Variants in ROBO2 observed in about 807,000 individuals in gnomAD.
ROBO2 encodes roundabout homolog 2.
In ROBO2, 53 loss-of-function variants were observed where a neutral mutation model predicts 160.8. The observed-to-expected ratio is 0.33, with a 90% confidence interval of 0.26 to 0.41. The LOEUF is 0.41. Among genes scored for constraint, ROBO2 ranks in the 10% least tolerant of loss-of-function variants. The pLI is 1.00. For synonymous variants in ROBO2, 664 were observed against 611.7 expected, an observed-to-expected ratio of 1.09 and a Z score of -1.26; for missense variants, 1,577 against 1,722.4, an observed-to-expected ratio of 0.92 and a Z score of 1.49.
intron 2 of ROBO2, among the ~76,000 whole-genome samples, chr3:77,302,077 A>C (rs181321526): frequency 5.6e-4 from 84 of 151,312 alleles, no homozygotes; most frequent in African/African-American, 2.0e-3. Flanking sequence ...TAACTAAAGA[A>C]CTTTTTTTTT....
intron 2 of ROBO2, among the ~76,000 whole-genome samples, chr3:76,887,259 C>T (rs1432500884): frequency 8.5e-6 from 1 of 118,284 alleles, no homozygotes. Flanking sequence ...CTGGACTAGA[C>T]TCTAGTCCAA....
exon 24 of ROBO2, chr3:77,634,962 C>T (rs1431087057): frequency 1.2e-6 from 2 of 1,614,160 alleles, no homozygotes; most frequent in Non-Finnish European, 1.7e-6. Context: ...AAGTCAGAGG[C>T]CTCGGCCCAC....
intron 2 of ROBO2, among the ~76,000 whole-genome samples, chr3:76,191,013 C>T (rs552586922): frequency 9.2e-5 from 14 of 152,116 alleles, no homozygotes; most frequent in African/African-American, 3.4e-4. Context: ...TTATATTAAT[C>T]GCACATTAAG....
At chr3:77,602,837 A>G in intron 20 of ROBO2, 1 of 469,690 alleles carries the variant, frequency 2.1e-6, no homozygotes. Context: ...ACTCTCCCAC[A>G]ACATCTGCTT....
chr3:77,048,197 C>T (rs1184949673), intron 1 of ROBO2, among the ~76,000 whole-genome samples: 1 of 152,162 alleles, frequency 6.6e-6, no homozygotes, highest in Non-Finnish European at 1.5e-5. Flanking sequence ...ACTTTGCTAT[C>T]AGACTAATTA....
intron 2 of ROBO2, among the ~76,000 whole-genome samples, chr3:77,021,962 C>A (rs767230922): frequency 6.6e-6 from 1 of 152,114 alleles, no homozygotes; most frequent in Non-Finnish European, 1.5e-5. Context: ...ACCCAGAGGC[C>A]GGGTGTAGTG....
At chr3:77,580,815 T>C (rs1024916940) in intron 16 of ROBO2, among the ~76,000 whole-genome samples, 2 of 152,192 alleles carry the variant, frequency 1.3e-5, no homozygotes, top group Non-Finnish European at 2.9e-5. Context: ...CCTGACAGAA[T>C]GAATATTACT....
At chr3:76,666,013 ATATTATATATTATATATAT>A (rs1224172783) in intron 2 of ROBO2, among the ~76,000 whole-genome samples, 7 of 122,410 alleles carry the variant, frequency 5.7e-5, no homozygotes, top group Non-Finnish European at 3.7e-5. Flanking sequence ...TAATATATAC[ATATTATATATTATATATAT>A]TATATATATA....
chr3:76,335,030 A>G (rs2073770074), intron 2 of ROBO2, among the ~76,000 whole-genome samples: 1 of 152,004 alleles, frequency 6.6e-6, no homozygotes. Flanking sequence ...TTTGCTTTAA[A>G]AAAAAATTTT....
At chr3:76,928,748 T>G (rs1267400640) in intron 2 of ROBO2, among the ~76,000 whole-genome samples, 2 of 152,180 alleles carry the variant, frequency 1.3e-5, no homozygotes, top group Non-Finnish European at 2.9e-5. Context: ...GTTTTGTTAG[T>G]CTCTCCTCAA....
intron 2 of ROBO2, among the ~76,000 whole-genome samples, chr3:76,826,042 T>G (rs2066561462): frequency 6.8e-6 from 1 of 147,192 alleles, no homozygotes; most frequent in Non-Finnish European, 1.5e-5. Flanking sequence ...ATTCAATCAG[T>G]GAGTTTGTGG....
chr3:77,331,269 T>C (rs1317838570), intron 2 of ROBO2, among the ~76,000 whole-genome samples: 1 of 152,238 alleles, frequency 6.6e-6, no homozygotes, highest in Non-Finnish European at 1.5e-5. Flanking sequence ...CCAATATCTA[T>C]GTCTGAATTC....
chr3:76,887,494 G>A (rs529089444), intron 2 of ROBO2, among the ~76,000 whole-genome samples: 3 of 152,192 alleles, frequency 2.0e-5, no homozygotes, highest in South Asian at 2.1e-4. Context: ...CATCAAGGGG[G>A]TTGTGCGGTG....
At chr3:77,208,380 A>G (rs2083686431) in intron 2 of ROBO2, among the ~76,000 whole-genome samples, 1 of 152,204 alleles carries the variant, frequency 6.6e-6, no homozygotes, top group African/African-American at 2.4e-5. Context: ...AATTGCTTTT[A>G]TAATAAATTT....
chr3:75,948,353 A>G (rs1948400507), intron 2 of ROBO2, among the ~76,000 whole-genome samples: 3 of 152,058 alleles, frequency 2.0e-5, no homozygotes, highest in South Asian at 2.1e-4. Context: ...AAAAACATCA[A>G]ACTCTCCTGA....
intron 2 of ROBO2, among the ~76,000 whole-genome samples, chr3:76,776,369 G>A (rs1205905953): frequency 1.3e-5 from 2 of 150,898 alleles, no homozygotes; most frequent in Non-Finnish European, 3.0e-5. Context: ...TCTTAAATGG[G>A]AACTATTGTA....
intron 2 of ROBO2, among the ~76,000 whole-genome samples, chr3:76,359,739 ATATAT>A (rs2075393669): frequency 6.6e-6 from 1 of 151,966 alleles, no homozygotes; most frequent in Admixed American, 6.6e-5. Flanking sequence ...TATAGTATTC[ATATAT>A]TATATGTCAT....
At chr3:77,615,489 C>T (rs1183837168) in intron 21 of ROBO2, among the ~76,000 whole-genome samples, 1 of 152,194 alleles carries the variant, frequency 6.6e-6, no homozygotes, top group East Asian at 1.9e-4. Context: ...TGTGCTCTGC[C>T]TGTCCATGGT....
rs77872416 is a variant in ROBO2, at chr3:77,411,507, G to T, written c.389-65907G>T. On this transcript the variant is annotated intron_variant, in intron 2 of 25. Coordinates refer to ENST00000461745, the Ensembl canonical transcript of ROBO2. ...ATGAAGTCAGCAGGGGACTTGCTAA[G>T]TAAGTTATGGTGCAGCTTGTTTTGA... is the stretch of plus-strand genomic sequence containing the variant. 1.1e-4 allele frequency among the ~76,000 whole-genome samples: 16 copies of T among 152,252 alleles called. No homozygotes were observed. In the East Asian group the frequency reaches 2.9e-3, roughly 28 times the overall value.
Sources: gnomAD v4.1 joint callset for allele counts (sites outside exome capture counted in the v4.1 genomes callset) on GRCh38, gnomAD v4.1.1 for gene constraint, MANE v1.5 for transcripts, NCBI Gene and HGNC (gene_info 2026-07-23, HGNC 2026-07-21) for gene names.